SPAG6: variants seen among roughly 807,000 people sequenced by gnomAD.
SPAG6 encodes sperm associated antigen 6, also known as sperm-associated antigen 6.
A neutral mutation model predicts 58.5 loss-of-function variants in SPAG6; 49 were observed. That is an observed-to-expected ratio of 0.84 (90% CI 0.67 to 1.06). The LOEUF (loss-of-function observed/expected upper bound fraction) is 1.06. SPAG6 is among the 50% of genes least tolerant of loss of function. The pLI is 0.00. For synonymous variants in SPAG6, 233 were observed against 225.6 expected (o/e 1.03, Z -0.29); for missense variants, 560 against 611.3 (o/e 0.92, Z 0.89).
rs1260363504 is a variant in SPAG6 at position 22,389,279 on chromosome 10, T to A, written c.972T>A (p.Ser324=). 4 of 1,612,546 alleles carry A rather than the reference T, an allele frequency of 2.5e-6. No individual in the cohort carries two copies. In the East Asian group the frequency reaches 8.9e-5, roughly 36 times the overall value. The change falls in exon 7 of 11, where the codon TCT becomes TCA. Residue 324 remains serine, a synonymous_variant. Transcript: ENST00000376624. ...TGCTTGGTTATGTAGCAGCTCATTC[T>A]GAGAACCTAGCAATGGCAGTCATCA... The part of the protein sequence containing the change: ...IMMLGYVAAH[S]ENLAMAVIIS...
At chr10:22,383,817 G>A (rs1273871336) in intron 4 of SPAG6, among the ~76,000 whole-genome samples, 1 of 152,130 alleles carries the variant, frequency 6.6e-6, no homozygotes, top group Non-Finnish European at 1.5e-5. Flanking sequence ...TCTGAGCAGG[G>A]TTTTCTAGAA....
At chr10:22,389,116 C>G (rs1338630555) in intron 6 of SPAG6, 44 bp from the exon 7 acceptor site, 1 of 1,569,870 alleles carries the variant, frequency 6.4e-7, no homozygotes, top group Admixed American at 1.7e-5. Context: ...ATTTAAAGAC[C>G]ATCATAGGGT....
At position 22,389,235 on chromosome 10, in the gene SPAG6, C is replaced by T. The variant is rs753729413; in HGVS notation, c.928C>T (p.Arg310Trp). ...CATTGGGTCCTGCAAAGGGAACACA[C>T]GGCTGCCTGGCATCATGATGCTTGG... ...DCIGSCKGNT[R>W]LPGIMMLGYV... The change falls in exon 7 of 11, where the codon CGG (arginine) becomes TGG (tryptophan). Residue 310 changes from arginine (R) to tryptophan (W), a missense_variant. Physicochemically the swap from Arg to Trp is moderately radical, Grantham distance 101. Coordinates refer to ENST00000376624, the MANE Select transcript of SPAG6 (RefSeq NM_012443.4). 1.2e-5 allele frequency: 19 copies of T among 1,613,038 alleles called. No individual in the cohort carries two copies. The highest frequency in any genetic ancestry group is 4.5e-5 in the East Asian group (2 of 44,882).
At chr10:22,356,967 A>G (rs1836886916) in intron 2 of SPAG6, among the ~76,000 whole-genome samples, 1 of 152,124 alleles carries the variant, frequency 6.6e-6, no homozygotes, top group African/African-American at 2.4e-5. Context: ...ATACTTCAGG[A>G]CTTTTGTCTC....
intron 8 of SPAG6, 114 bp from the exon 9 acceptor site, chr10:22,401,047 A>T (rs1034640002): frequency 1.2e-5 from 8 of 649,384 alleles, no homozygotes; most frequent in Non-Finnish European, 1.9e-5. Context: ...AAACAACTGC[A>T]GCTTAGACCA....
At chr10:22,384,336 T>C (rs920220385) in intron 4 of SPAG6, among the ~76,000 whole-genome samples, 2 of 152,210 alleles carry the variant, frequency 1.3e-5, no homozygotes, top group Non-Finnish European at 2.9e-5. Flanking sequence ...CACAAGCCTA[T>C]GCCCTAGCTG....
intron 8 of SPAG6, among the ~76,000 whole-genome samples, chr10:22,396,868 A>G (rs1035444899): frequency 1.3e-5 from 2 of 152,208 alleles, no homozygotes; most frequent in Admixed American, 6.5e-5. Flanking sequence ...AATGCCCTCA[A>G]TAGATAGCCC....
chr10:22,382,816 A>G (rs2132075413), intron 4 of SPAG6, among the ~76,000 whole-genome samples: 1 of 152,348 alleles, frequency 6.6e-6, no homozygotes, highest in Non-Finnish European at 1.5e-5. Flanking sequence ...AGCTATATGT[A>G]TGGGCAAGAG....
intron 9 of SPAG6, among the ~76,000 whole-genome samples, chr10:22,410,217 A>G (rs1248176571): frequency 6.6e-6 from 1 of 152,040 alleles, no homozygotes; most frequent in African/African-American, 2.4e-5. Context: ...TAGTATATTC[A>G]TTCATTTGTT....
At chr10:22,386,482 T>TAA (rs11323725) in intron 4 of SPAG6, among the ~76,000 whole-genome samples, 3 of 142,304 alleles carry the variant, frequency 2.1e-5, no homozygotes, top group East Asian at 4.0e-4. Context: ...CTTACTCTCT[T>TAA]AAAAAAAAAA....
intron 4 of SPAG6, among the ~76,000 whole-genome samples, chr10:22,377,820 C>T (rs1398721587): frequency 6.6e-6 from 1 of 152,174 alleles, no homozygotes; most frequent in Non-Finnish European, 1.5e-5. Flanking sequence ...GTACCTGTGG[C>T]CTTTTGCTGT....
chr10:22,378,417 G>GTTT (rs35036098), intron 4 of SPAG6, among the ~76,000 whole-genome samples: 1 of 133,312 alleles, frequency 7.5e-6, no homozygotes, highest in Non-Finnish European at 1.6e-5. Context: ...GTCTGGGCAG[G>GTTT]TTTTTTTTTT....
At chr10:22,357,799 T>A (rs1447556036) in intron 2 of SPAG6, among the ~76,000 whole-genome samples, 1 of 144,208 alleles carries the variant, frequency 6.9e-6, no homozygotes, top group Non-Finnish European at 1.5e-5. Flanking sequence ...GTGTTCTCAT[T>A]GTTCAGTTCC....
chr10:22,391,764 A>T lies in SPAG6; in HGVS notation c.1041A>T (p.Glu347Asp), dbSNP rs149948324. The change falls in exon 8 of 11, where the codon GAA becomes GAT. Residue 347 changes from glutamate (E) to aspartate (D), a missense_variant. By Grantham distance (45) the Glu-to-Asp change is conservative. Transcript: ENST00000376624. Reference sequence around the variant, plus strand: ...AGTTGTCAGTCTGCTTGTCAGAAGAACCGGAAGATCATATTAAGGCTGCAG... The same window carrying T: ...AGTTGTCAGTCTGCTTGTCAGAAGATCCGGAAGATCATATTAAGGCTGCAG... The part of the protein sequence containing the change: ...VPQLSVCLSE[E>D]PEDHIKAAAA... The T allele has an allele frequency of 8.7e-6, 14 of 1,613,350 alleles. No individual in the cohort carries two copies. In the African/African-American group the frequency reaches 1.3e-4, roughly 15 times the overall value.
At position 22,345,802 on chromosome 10, in the gene SPAG6, G is replaced by A. The variant is rs781066479; in HGVS notation, c.105G>A (p.Glu35=). 1.2e-6 allele frequency: 2 copies of A among 1,613,542 alleles called. No individual in the cohort carries two copies. The highest frequency in any genetic ancestry group is 4.5e-5 in the East Asian group (2 of 44,860). ...TGGCGACTAGACCCCAAAACATCGA[G>A]ACGCTGCAGAACGCGGGTGAGCCCG... ...AELATRPQNI[E]TLQNAGVMSL... Residue 35 remains glutamate (E), a synonymous_variant, in exon 2 of 11, where the codon GAG becomes GAA. Coordinates refer to ENST00000376624, the MANE Select transcript of SPAG6 (RefSeq NM_012443.4). This position sits in a 1 kb window ranked among gnomAD's most constrained non-coding sequence, Gnocchi z 6.3.
chr10:22,391,994 C>A (rs1399475018), intron 8 of SPAG6, 74 bp downstream of exon 8: 3 of 953,502 alleles, frequency 3.1e-6, no homozygotes, highest in East Asian at 5.1e-5. Context: ...TCTTTGTTTT[C>A]ATCATGGACA....
At chr10:22,415,167 A>G (rs914859063) in intron 10 of SPAG6, among the ~76,000 whole-genome samples, 39 of 151,998 alleles carry the variant, frequency 2.6e-4, no homozygotes, top group Non-Finnish European at 4.6e-4. Context: ...AATTATTATT[A>G]ATCTAATATC....
At chr10:22,360,723 T>A in intron 2 of SPAG6, 1 of 1,069,474 alleles carries the variant, frequency 9.4e-7, no homozygotes, top group Non-Finnish European at 1.3e-6. Context: ...GTCCTTCAAG[T>A]GAGCCCCAGT....
chr10:22,380,615 GA>G (rs1342078216), intron 4 of SPAG6, among the ~76,000 whole-genome samples: 11 of 151,868 alleles, frequency 7.2e-5, no homozygotes, highest in Admixed American at 7.2e-4. Flanking sequence ...GCAAAATGTA[GA>G]TTTTTTTTTT....
Sources: gnomAD v4.1 joint callset for allele counts (sites outside exome capture counted in the v4.1 genomes callset) on GRCh38, gnomAD v4.1.1 for gene constraint, Gnocchi (gnomAD v3.1) non-coding constraint, MANE v1.5 for transcripts, NCBI Gene and HGNC (gene_info 2026-07-23, HGNC 2026-07-21) for gene names.